Variants in PRRC2C observed in about 807,000 individuals in gnomAD.
PRRC2C encodes the protein protein PRRC2C.
A neutral mutation model predicts 317.2 loss-of-function variants in PRRC2C; 72 were observed. That is an observed-to-expected ratio of 0.23 (90% CI 0.19 to 0.28). The LOEUF (loss-of-function observed/expected upper bound fraction) is 0.28. Ranked by LOEUF, PRRC2C falls within the 10% of genes least tolerant of loss-of-function variation. The pLI, the probability that PRRC2C is intolerant of heterozygous loss-of-function variation, is 1.00. For missense variants in PRRC2C, 3,074 were observed against 3,459.7 expected (o/e 0.89, Z 2.80); for synonymous variants, 1,296 against 1,205.9 (o/e 1.07, Z -1.55).
At chr1:171,518,504 T>TCAA (rs1381752006) in intron 6 of PRRC2C, among the ~76,000 whole-genome samples, 2 of 104,178 alleles carry the variant, frequency 1.9e-5, no homozygotes, top group Non-Finnish European at 2.1e-5. Context: ...ATTTTTTTTT[T>TCAA]TTTTTTTTTT....
chr1:171,561,616 C>T (rs936641628), intron 20 of PRRC2C, among the ~76,000 whole-genome samples: 1 of 152,168 alleles, frequency 6.6e-6, no homozygotes, highest in Admixed American at 6.5e-5. Context: ...TACATCTTTA[C>T]ATTTATAAGG....
chr1:171,518,494 A>ATTTT (rs149358002), intron 6 of PRRC2C, among the ~76,000 whole-genome samples: 1 of 72,580 alleles, frequency 1.4e-5, no homozygotes, highest in African/African-American at 4.6e-5. Context: ...TTTTTTTTCA[A>ATTTT]TTTTTTTTTT....
At chr1:171,581,438 A>G (rs1648564110) in intron 28 of PRRC2C, among the ~76,000 whole-genome samples, 1 of 152,170 alleles carries the variant, frequency 6.6e-6, no homozygotes, top group African/African-American at 2.4e-5. Context: ...TGGAGTAGCA[A>G]TGTACTATAT....
chr1:171,555,930 G>A (rs1681285919), intron 18 of PRRC2C, among the ~76,000 whole-genome samples: 1 of 152,320 alleles, frequency 6.6e-6, no homozygotes, highest in African/African-American at 2.4e-5. Context: ...ACACCGTGCT[G>A]GGAGAACCAC....
intron 3 of PRRC2C, 36 bp downstream of exon 3, chr1:171,513,208 C>G (rs190437941): frequency 2.6e-6 from 4 of 1,567,886 alleles, no homozygotes; most frequent in Non-Finnish European, 3.5e-6. Context: ...AAGCCCTTCC[C>G]CTTTCTTTGT....
Position 171,490,196 on chromosome 1 carries a change from C to T in PRRC2C, c.-58+4461C>T, listed in dbSNP as rs144824233. Among the ~76,000 whole-genome samples, 90 of 152,272 alleles carry T rather than the reference C, an allele frequency of 5.9e-4. 1 individual carries two copies. The East Asian group carries it at 0.017, about 28-fold the overall frequency. The stretch of plus-strand genomic sequence containing the variant: ...CCTCCCAAAGTGCTGGGATTACAGG[C>T]GTGAGCCACTGCATCCTGCCGTTTA... On this transcript the variant is annotated intron_variant, in intron 1 of 34. Coordinates refer to ENST00000647382, the MANE Select transcript of PRRC2C (RefSeq NM_001387844.1).
chr1:171,502,169 T>C (rs1669221875), intron 1 of PRRC2C, among the ~76,000 whole-genome samples: 1 of 152,236 alleles, frequency 6.6e-6, no homozygotes, highest in Non-Finnish European at 1.5e-5. Context: ...CCTACTCTGA[T>C]TTCATCTCCT....
Position 171,557,736 on chromosome 1 carries a change from C to G in PRRC2C, c.5624C>G (p.Ala1875Gly). Reference protein sequence around the residue: ...ILASALASTSAPTPAPAASSP... With the variant: ...ILASALASTSGPTPAPAASSP... ...GCTTCAGCCCTAGCATCAACTTCAG[C>G]TCCAACGCCAGCCCCAGCAGCCTCT... Residue 1875 changes from alanine to glycine, a missense_variant, in exon 19 of 35, where the codon GCT becomes GGT. Around this residue, in one of 11 missense-constraint regions of PRRC2C, gnomAD observed 640 missense variants for 676.1 expected, o/e 0.95. Coordinates refer to ENST00000647382, the MANE Select transcript of PRRC2C (RefSeq NM_001387844.1). The G allele has an allele frequency of 6.4e-7, 1 of 1,551,546 alleles. No individual in the cohort carries two copies. The highest frequency in any genetic ancestry group is 1.7e-4 in the Middle Eastern group (1 of 5,992).
chr1:171,537,263 G>A lies in PRRC2C; in HGVS notation c.2294G>A (p.Gly765Glu). ...ACCTTTTTCTGAACTTTTGTTACAG[G>A]AATGATTCCTCCTAAACCATTAATG... The part of the protein sequence containing the change: ...PAMDIPPIHP[G>E]MIPPKPLMRR... The change falls in exon 15 of 35, where the codon GGA becomes GAA. Residue 765 changes from glycine (G) to glutamate (E), a missense_variant and splice_region_variant. Around this residue, in one of 11 missense-constraint regions of PRRC2C, gnomAD observed 1,320 missense variants for 1,395.7 expected, o/e 0.95. Transcript: ENST00000647382. 1 of 1,581,380 alleles carries A rather than the reference G, an allele frequency of 6.3e-7. No individual in the cohort carries two copies. The highest frequency in any genetic ancestry group is 8.6e-7 in the Non-Finnish European group (1 of 1,161,776).
chr1:171,582,017 GTTC>G (rs1648728136), intron 28 of PRRC2C, among the ~76,000 whole-genome samples: 7 of 147,720 alleles, frequency 4.7e-5, no homozygotes, highest in Non-Finnish European at 9.1e-5. Flanking sequence ...TTTGGTTTAT[GTTC>G]TTGTTTGTTT....
rs1212384824 is a variant in PRRC2C at position 171,512,085 on chromosome 1, C to G, written c.-4C>G. On this transcript the variant is annotated 5_prime_UTR_variant, in exon 2 of 35. Transcript: ENST00000647382. ...GGTTTTGGACTCGATGAGTTTCCAC[C>G]GAAATGTCGGAGAAGTCAGGCCAGA... 1.3e-6 allele frequency: 2 copies of G among 1,549,254 alleles called. No homozygotes were observed. Among genetic ancestry groups the G allele is most frequent in the Admixed American group, 1.9e-5 (1 of 51,382 alleles).
intron 24 of PRRC2C, among the ~76,000 whole-genome samples, chr1:171,573,673 CTTTTTTTTT>C (rs1024285954): frequency 2.3e-5 from 2 of 85,814 alleles, no homozygotes; most frequent in Admixed American, 1.7e-4. Flanking sequence ...TCTCAAAATT[CTTTTTTTTT>C]TTTTTTTTTT....
In PRRC2C at chr1:171,514,479, A is replaced by G. The variant is rs1275506926; in HGVS notation, c.291-57A>G. On this transcript the variant is annotated intron_variant, in intron 3 of 34. Coordinates refer to ENST00000647382, the MANE Select transcript of PRRC2C (RefSeq NM_001387844.1). ...TACACAGGTTTACCTTAAATATAAT[A>G]TTGATTTTATTTAAACATACAGTAT... 4 of 1,308,400 alleles carry G rather than the reference A, an allele frequency of 3.1e-6. No homozygotes were observed. In the African/African-American group the frequency reaches 4.5e-5, roughly 15 times the overall value. 81.0% of individuals were successfully genotyped at this position (1,308,400 alleles called of 1,614,324 possible). A position where few individuals can be genotyped will look rare whatever the true frequency, so the allele number is the denominator to read the frequency against.
intron 30 of PRRC2C, among the ~76,000 whole-genome samples, chr1:171,586,595 ATTTTG>A (rs1337233446): frequency 3.8e-5 from 5 of 131,920 alleles, no homozygotes; most frequent in African/African-American, 1.5e-4. Context: ...ATTTTATTTT[ATTTTG>A]AGACAGAGTC....
chr1:171,545,441 A>T, intron 16 of PRRC2C, 38 bp from the exon 17 acceptor site: 2 of 1,505,090 alleles, frequency 1.3e-6, no homozygotes, highest in Non-Finnish European at 9.0e-7. Context: ...TTGTTTGGGT[A>T]GGTGGAAATA....
intron 1 of PRRC2C, chr1:171,510,679 C>CA (rs1671202542): frequency 6.6e-6 from 1 of 152,060 alleles, no homozygotes; most frequent in Non-Finnish European, 1.5e-5. Context: ...GGTTGTAGGT[C>CA]AGTCTTTTTT....
chr1:171,510,174 A>T (rs1207799861), intron 1 of PRRC2C: 1 of 152,210 alleles, frequency 6.6e-6, no homozygotes, highest in Non-Finnish European at 1.5e-5. Flanking sequence ...TGCGAACCGC[A>T]GTAGCAGTAG....
intron 18 of PRRC2C, among the ~76,000 whole-genome samples, chr1:171,556,672 A>C (rs1156786109): frequency 6.6e-6 from 1 of 152,256 alleles, no homozygotes; most frequent in Non-Finnish European, 1.5e-5. Flanking sequence ...TTGGAAAGCT[A>C]ATGAACACAA....
intron 11 of PRRC2C, among the ~76,000 whole-genome samples, chr1:171,528,534 G>A (rs532605431): frequency 1.1e-4 from 17 of 151,938 alleles, no homozygotes; most frequent in Admixed American, 5.9e-4. Context: ...CTCGTGATCC[G>A]CCCACCTTGG....
Sources: gnomAD v4.1 joint callset for allele counts (sites outside exome capture counted in the v4.1 genomes callset) on GRCh38, gnomAD v4.1.1 for gene constraint, gnomAD v4.1.1 regional missense constraint, MANE v1.5 for transcripts, NCBI Gene and HGNC (gene_info 2026-07-23, HGNC 2026-07-21) for gene names.